The following TGS1 variants were observed in gnomAD, a reference collection of about 807,000 sequenced individuals.
TGS1 encodes trimethylguanosine synthase 1.
In TGS1, 69 loss-of-function variants were observed where a neutral mutation model predicts 92.2. The ratio of observed to expected loss-of-function variants is 0.75; its 90% CI spans 0.62 to 0.91. TGS1 has a LOEUF of 0.91. Ranked by LOEUF, TGS1 falls within the 40% of genes least tolerant of loss-of-function variation. The probability of loss-of-function intolerance (pLI) is 0.00; values close to 1 mark genes in which losing one functional copy is unlikely to be tolerated. For missense variants in TGS1, 1,062 were observed against 1,001.2 expected (o/e 1.06, Z -0.82); for synonymous variants, 345 against 338.1 (o/e 1.02, Z -0.22).
At chr8:55,795,554 A>G (rs910247730) in intron 6 of TGS1, among the ~76,000 whole-genome samples, 15 of 152,320 alleles carry the variant, frequency 9.8e-5, no homozygotes, top group East Asian at 1.9e-4. Flanking sequence ...TTCTTTTGTA[A>G]GCTCAGATTG....
Position 55,786,513 on chromosome 8 carries a change from TG to T in TGS1, c.617del (p.Gly206GlufsTer83), listed in dbSNP as rs761087871. On this transcript the variant is annotated frameshift_variant, in exon 4 of 13. Transcript: ENST00000260129. LOFTEE classifies it high-confidence loss of function. ...AATGGGAAAAGTATTGGAATGAATA[TG>T]GAGGAGGACTATTGTGGCAAAGTTG... is the stretch of plus-strand genomic sequence containing the variant. ...EKWEKYWNEY[G>X]GGLLWQSWQE... 6.2e-7 allele frequency: 1 copy of T among 1,614,144 alleles called. No individual in the cohort carries two copies. The highest frequency in any genetic ancestry group is 1.1e-5 in the South Asian group (1 of 91,086).
chr8:55,817,657 T>C (rs1461720149), intron 12 of TGS1, among the ~76,000 whole-genome samples: 1 of 152,202 alleles, frequency 6.6e-6, no homozygotes, highest in Non-Finnish European at 1.5e-5. Flanking sequence ...TAAGTTAATA[T>C]AGTGGAAATC....
At chr8:55,802,071 G>A (rs1181768577) in intron 8 of TGS1, among the ~76,000 whole-genome samples, 2 of 152,168 alleles carry the variant, frequency 1.3e-5, no homozygotes, top group Non-Finnish European at 1.5e-5. Flanking sequence ...ACGGGCGCCT[G>A]TAGTCCCAGC....
At chr8:55,776,612 CAG>C (rs1017813337) in intron 1 of TGS1, among the ~76,000 whole-genome samples, 9 of 152,150 alleles carry the variant, frequency 5.9e-5, no homozygotes, top group Non-Finnish European at 1.0e-4. Context: ...CCGATTAGGT[CAG>C]GGGTGGATCA....
chr8:55,824,329 A>G (rs1053576825), intron 12 of TGS1, among the ~76,000 whole-genome samples: 18 of 152,058 alleles, frequency 1.2e-4, no homozygotes, highest in African/African-American at 4.3e-4. Context: ...GGCATTGGAG[A>G]GTTCAAGTCC....
chr8:55,813,184 C>A, intron 12 of TGS1, 66 bp downstream of exon 12: 2 of 1,125,772 alleles, frequency 1.8e-6, no homozygotes, highest in Non-Finnish European at 1.3e-6. Context: ...GTAAAAGATA[C>A]AGGACATATC....
intron 1 of TGS1, among the ~76,000 whole-genome samples, chr8:55,780,109 A>C (rs1401123996): frequency 6.7e-6 from 1 of 149,926 alleles, no homozygotes; most frequent in East Asian, 2.0e-4. Flanking sequence ...CACCCACCTC[A>C]GCCTCCCAAA....
chr8:55,793,759 T>C (rs1811955404), intron 6 of TGS1, among the ~76,000 whole-genome samples: 1 of 150,098 alleles, frequency 6.7e-6, no homozygotes, highest in African/African-American at 2.5e-5. Flanking sequence ...TATTTATTTA[T>C]TTATTTATTT....
intron 12 of TGS1, among the ~76,000 whole-genome samples, chr8:55,814,514 A>G (rs931522126): frequency 1.5e-4 from 22 of 151,518 alleles, no homozygotes; most frequent in Admixed American, 1.3e-3. Flanking sequence ...TATTAATAGT[A>G]TGTGTTATAC....
At chr8:55,795,928 A>C in intron 6 of TGS1, 50 bp from the exon 7 acceptor site, 1 of 1,395,330 alleles carries the variant, frequency 7.2e-7, no homozygotes. Context: ...CTATAAGGAA[A>C]TATAATCCTA....
chr8:55,806,104 C>T (rs906611562), intron 10 of TGS1, among the ~76,000 whole-genome samples: 5 of 151,534 alleles, frequency 3.3e-5, no homozygotes, highest in African/African-American at 9.7e-5. Flanking sequence ...GCCTGTAATC[C>T]CAGCACTTTA....
intron 5 of TGS1, among the ~76,000 whole-genome samples, chr8:55,790,932 A>G (rs1344300704): frequency 6.6e-6 from 1 of 151,758 alleles, no homozygotes; most frequent in Non-Finnish European, 1.5e-5. Flanking sequence ...CTATCAATGG[A>G]TCATAACTTT....
intron 4 of TGS1, among the ~76,000 whole-genome samples, chr8:55,789,565 A>G (rs1002958021): frequency 5.3e-5 from 8 of 152,222 alleles, no homozygotes; most frequent in Non-Finnish European, 1.0e-4. Flanking sequence ...TAGTTAGATC[A>G]TGAACATTTT....
chr8:55,825,503 A>G lies in TGS1; in HGVS notation c.*800A>G, dbSNP rs1294542443. On this transcript the variant is annotated 3_prime_UTR_variant, in exon 13 of 13. Coordinates refer to ENST00000260129, the MANE Select transcript of TGS1 (RefSeq NM_024831.8). ...AAAAGTTTGTTCAGTCATTTTTACA[A>G]GTAGGCAAAAAAATAGTGACATACA... 6.6e-6 allele frequency: 1 copy of G among 152,228 alleles called. No individual in the cohort carries two copies. The highest frequency in any genetic ancestry group is 2.4e-5 in the African/African-American group (1 of 41,462). The allele number at this position is 152,228 out of a possible 1,614,324, so 9.4% of individuals were successfully genotyped here. A position where few individuals can be genotyped will look rare whatever the true frequency, so the allele number is the denominator to read the frequency against.
intron 12 of TGS1, 129 bp from the exon 13 acceptor site, chr8:55,824,452 T>G: frequency 4.2e-6 from 5 of 1,194,926 alleles, no homozygotes; most frequent in Non-Finnish European, 5.9e-6. Context: ...AGTGAACATT[T>G]GAGATGCCTC....
At chr8:55,785,970 AT>A in intron 3 of TGS1, 79 bp downstream of exon 3, 1 of 1,152,286 alleles carries the variant, frequency 8.7e-7, no homozygotes, top group Non-Finnish European at 1.2e-6. Context: ...TTTTTATCAG[AT>A]TATATGCATT....
intron 1 of TGS1, among the ~76,000 whole-genome samples, chr8:55,778,437 G>T (rs533028610): frequency 6.6e-6 from 1 of 152,288 alleles, no homozygotes; most frequent in South Asian, 2.1e-4. Context: ...AACAACTGAT[G>T]TTCTGTTCAG....
chr8:55,821,655 C>T lies in TGS1; in HGVS notation c.2440-2926C>T, dbSNP rs576105329. 1.6e-4 allele frequency among the ~76,000 whole-genome samples: 24 copies of T among 152,116 alleles called. No homozygotes were observed. The East Asian group carries it at 3.9e-3, about 25-fold the overall frequency. ...TTGGGAGGCCGAGGTGGGTGGATCACGAGGTCAGGAGATCGAGACCACCCT... is the reference window on the plus strand; with the variant it reads ...TTGGGAGGCCGAGGTGGGTGGATCATGAGGTCAGGAGATCGAGACCACCCT... On this transcript the variant is annotated intron_variant, in intron 12 of 12. Coordinates refer to ENST00000260129, the MANE Select transcript of TGS1 (RefSeq NM_024831.8).
Position 55,813,127 on chromosome 8 carries a change from TTAC to T in TGS1, c.2439+11_2439+13del, listed in dbSNP as rs1803382077. Reference sequence around the variant, plus strand: ...ATGCTGATATTGACCAGGTAAGCCATTACTGAAAAACTTCCATGAGTGTCTGTC... The same window carrying T: ...ATGCTGATATTGACCAGGTAAGCCATTGAAAAACTTCCATGAGTGTCTGTC... On this transcript the variant is annotated intron_variant, in intron 12 of 12. Coordinates refer to ENST00000260129, the MANE Select transcript of TGS1 (RefSeq NM_024831.8). The T allele has an allele frequency of 1.3e-6, 2 of 1,594,986 alleles. No individual in the cohort carries two copies. The highest frequency in any genetic ancestry group is 2.2e-5 in the East Asian group (1 of 44,618).
Sources: gnomAD v4.1 joint callset for allele counts (sites outside exome capture counted in the v4.1 genomes callset) on GRCh38, gnomAD v4.1.1 for gene constraint, MANE v1.5 for transcripts, NCBI Gene and HGNC (gene_info 2026-07-23, HGNC 2026-07-21) for gene names.